ADGRL2: variants seen among roughly 807,000 people sequenced by gnomAD.
The protein encoded by ADGRL2 is adhesion G protein-coupled receptor L2, also known as calcium-independent alpha-latrotoxin receptor 2.
Under a neutral mutation model 157.4 loss-of-function variants are expected in ADGRL2, and 44 were observed. That is an observed-to-expected ratio of 0.28 (90% CI 0.22 to 0.36). The LOEUF (loss-of-function observed/expected upper bound fraction) is 0.36. Among genes scored for constraint, ADGRL2 ranks in the 10% least tolerant of loss-of-function variants. ADGRL2 has a pLI of 1.00. For missense variants in ADGRL2, 1,510 were observed against 1,768.9 expected (o/e 0.85, Z 2.63); for synonymous variants, 585 against 624.7 (o/e 0.94, Z 0.95).
intron 1 of ADGRL2, among the ~76,000 whole-genome samples, chr1:81,752,396 G>A (rs1166069046): frequency 6.6e-6 from 1 of 152,132 alleles, no homozygotes; most frequent in Non-Finnish European, 1.5e-5. Flanking sequence ...AAAGCAGAGG[G>A]CTCTCGCCAT....
chr1:81,427,050 A>G (rs1274045631), intron 1 of ADGRL2: 8 of 1,299,288 alleles, frequency 6.2e-6, no homozygotes, highest in African/African-American at 1.5e-5. Context: ...GAAATACCAC[A>G]CTATTAATGG....
rs1570856264 is a variant in ADGRL2 at position 81,693,816 on chromosome 1, T to A, written c.-142-67995T>A. Reference sequence around the variant, plus strand: ...AATCAGTGGCTGGCAGGGGAAATTATATATAGAAAAATGACACAGAAAAGA... The same window carrying A: ...AATCAGTGGCTGGCAGGGGAAATTAAATATAGAAAAATGACACAGAAAAGA... On this transcript the variant is annotated intron_variant, in intron 3 of 24. Transcript: ENST00000370721. Among the ~76,000 whole-genome samples the A allele has an allele frequency of 5.9e-5, 9 of 152,302 alleles. No homozygotes were observed. In the South Asian group the frequency reaches 1.9e-3, roughly 32 times the overall value.
intron 2 of ADGRL2, among the ~76,000 whole-genome samples, chr1:81,456,143 C>G (rs771958967): frequency 6.6e-6 from 1 of 152,180 alleles, no homozygotes; most frequent in Non-Finnish European, 1.5e-5. Flanking sequence ...CATAACAACA[C>G]AAGTGTGGGT....
chr1:81,510,460 CAA>C, intron 2 of ADGRL2, among the ~76,000 whole-genome samples: 1 of 152,190 alleles, frequency 6.6e-6, no homozygotes, highest in Non-Finnish European at 1.5e-5. Flanking sequence ...CACATTCATT[CAA>C]ACTCTTTAGC....
At position 81,308,364 on chromosome 1, in the gene ADGRL2, A is replaced by G. The variant is rs920437628; in HGVS notation, c.-302+1855A>G. Among the ~76,000 whole-genome samples, 21 of 152,248 alleles carry G rather than the reference A, an allele frequency of 1.4e-4. No individual in the cohort carries two copies. In the East Asian group the frequency reaches 3.5e-3, roughly 25 times the overall value. On this transcript the variant is annotated intron_variant, in intron 1 of 24. Transcript: ENST00000370721. ...GATTTGTCACTAACAGTAAAGGATG[A>G]CAATTTCATATTTAAAACGAGTTTG...
At chr1:81,309,677 G>A (rs1044828404) in intron 1 of ADGRL2, among the ~76,000 whole-genome samples, 1 of 151,982 alleles carries the variant, frequency 6.6e-6, no homozygotes, top group African/African-American at 2.4e-5. Flanking sequence ...TTCATTTAAC[G>A]TATGTCAGGA....
intron 17 of ADGRL2, among the ~76,000 whole-genome samples, chr1:81,976,996 T>C (rs1660365949): frequency 1.3e-5 from 2 of 151,912 alleles, no homozygotes; most frequent in South Asian, 4.1e-4. Context: ...ATAGACTTAG[T>C]ATATCTTTGT....
At chr1:81,577,810 T>C (rs1160483364) in intron 2 of ADGRL2, among the ~76,000 whole-genome samples, 1 of 152,174 alleles carries the variant, frequency 6.6e-6, no homozygotes, top group Non-Finnish European at 1.5e-5. Context: ...CCTGCCTCAC[T>C]GTGTGTGTGG....
At chr1:81,464,948 G>A (rs75341459) in intron 2 of ADGRL2, among the ~76,000 whole-genome samples, 1 of 101,428 alleles carries the variant, frequency 9.9e-6, no homozygotes, top group Non-Finnish European at 2.3e-5. Context: ...AAAAAAAAAA[G>A]AAGAAGAAAA....
At chr1:81,492,308 T>C (rs1383197866) in intron 2 of ADGRL2, among the ~76,000 whole-genome samples, 1 of 152,200 alleles carries the variant, frequency 6.6e-6, no homozygotes, top group Non-Finnish European at 1.5e-5. Context: ...AAAGAGAAGG[T>C]GATTTTATGT....
chr1:81,500,875 A>G (rs191041963), intron 2 of ADGRL2, among the ~76,000 whole-genome samples: 49 of 152,358 alleles, frequency 3.2e-4, no homozygotes, highest in African/African-American at 1.0e-3. Flanking sequence ...ATTTCTTGAA[A>G]AAATAGAGCC....
intron 1 of ADGRL2, among the ~76,000 whole-genome samples, chr1:81,749,402 C>T (rs1229631114): frequency 6.6e-6 from 1 of 152,178 alleles, no homozygotes. Flanking sequence ...ACCATTACTT[C>T]TCCTTGTTCA....
intron 3 of ADGRL2, among the ~76,000 whole-genome samples, chr1:81,626,103 G>A (rs2081903015): frequency 6.6e-6 from 1 of 152,042 alleles, no homozygotes; most frequent in African/African-American, 2.4e-5. Context: ...CAAAACACAG[G>A]GGCTTCAACA....
At chr1:81,909,178 G>T (rs1258046313) in intron 3 of ADGRL2, among the ~76,000 whole-genome samples, 1 of 151,802 alleles carries the variant, frequency 6.6e-6, no homozygotes, top group Non-Finnish European at 1.5e-5. Context: ...GCATGGCCTT[G>T]TATATCTTTT....
intron 3 of ADGRL2, among the ~76,000 whole-genome samples, chr1:81,929,772 A>G (rs916142132): frequency 6.6e-6 from 1 of 152,116 alleles, no homozygotes; most frequent in Admixed American, 6.5e-5. Flanking sequence ...CTTCTTTAAG[A>G]TTTGCAAATC....
intron 1 of ADGRL2, among the ~76,000 whole-genome samples, chr1:81,711,235 T>C (rs559873073): frequency 5.3e-5 from 8 of 152,372 alleles, no homozygotes; most frequent in African/African-American, 1.9e-4. Flanking sequence ...GTACTGTTGA[T>C]TGTTTTCCTT....
At chr1:81,628,879 C>A (rs979604627) in intron 3 of ADGRL2, among the ~76,000 whole-genome samples, 1 of 152,154 alleles carries the variant, frequency 6.6e-6, no homozygotes, top group African/African-American at 2.4e-5. Flanking sequence ...TTCTTTACTT[C>A]TCTAAGAAAT....
At chr1:81,656,528 A>G (rs1570751490) in intron 3 of ADGRL2, among the ~76,000 whole-genome samples, 1 of 152,238 alleles carries the variant, frequency 6.6e-6, no homozygotes, top group East Asian at 1.9e-4. Context: ...GCACTTCTAA[A>G]CACTGTCCCT....
In ADGRL2 at chr1:81,943,668, C is replaced by T. The variant is rs141768846; in HGVS notation, c.1109C>T (p.Ala370Val). The change falls in exon 6 of 24, where the codon GCT becomes GTT. Residue 370 changes from alanine (A) to valine (V), a missense_variant. Around this residue, in one of 4 missense-constraint regions of ADGRL2, gnomAD observed 361 missense variants for 498.4 expected, o/e 0.72. Coordinates refer to ENST00000686636, the MANE Select transcript of ADGRL2 (RefSeq NM_001366006.2). This position sits in a 1 kb window ranked among gnomAD's most constrained non-coding sequence, Gnocchi z 5.6. ...VPFPNQYQYI[A>V]AVDYNPRDNQ... ...TTCCCCAACCAGTATCAGTATATTG[C>T]TGCAGTGGATTACAATCCAAGAGAT... The T allele has an allele frequency of 4.0e-4, 650 of 1,613,256 alleles. 1 individual carries two copies. Among genetic ancestry groups the T allele is most frequent in the Non-Finnish European group, 1.8e-4 (215 of 1,179,352 alleles).
Sources: allele counts gnomAD v4.1 joint callset (sites outside exome capture counted in the v4.1 genomes callset), GRCh38; gene constraint gnomAD v4.1.1; regional missense constraint gnomAD v4.1.1; non-coding constraint Gnocchi (gnomAD v3.1); transcripts MANE v1.5; gene names NCBI Gene and HGNC (gene_info 2026-07-23, HGNC 2026-07-21).